The following CDH18 variants were observed in gnomAD, a reference collection of about 807,000 sequenced individuals.
CDH18 encodes the protein cadherin-18.
Under a neutral mutation model 67.9 loss-of-function variants are expected in CDH18, and 31 were observed. The observed-to-expected ratio is 0.46, with a 90% CI of 0.34 to 0.62. The LOEUF is 0.62. CDH18 is among the 20% of genes least tolerant of loss of function. The pLI, the probability that CDH18 is intolerant of heterozygous loss-of-function variation, is 0.01. For missense variants in CDH18, 890 were observed against 975.5 expected (o/e 0.91, Z 1.17); for synonymous variants, 362 against 347.2 (o/e 1.04, Z -0.48).
At chr5:20,398,610 T>C (rs71610659) in intron 1 of CDH18, among the ~76,000 whole-genome samples, 1 of 151,854 alleles carries the variant, frequency 6.6e-6, no homozygotes, top group Non-Finnish European at 1.5e-5. Flanking sequence ...CCATGGCACA[T>C]GTATACCTAT....
intron 2 of CDH18, among the ~76,000 whole-genome samples, chr5:20,138,937 C>T (rs982000710): frequency 1.3e-5 from 2 of 152,262 alleles, no homozygotes; most frequent in African/African-American, 4.8e-5. Flanking sequence ...CTACCAATGA[C>T]TCTCTTCACA....
intron 3 of CDH18, among the ~76,000 whole-genome samples, chr5:19,748,636 T>C (rs1770442195): frequency 6.6e-6 from 1 of 152,280 alleles, no homozygotes; most frequent in Middle Eastern, 3.4e-3. Context: ...CGTAGAAACA[T>C]TGAAAAAACA....
At chr5:20,126,847 T>G (rs1328650847) in intron 2 of CDH18, among the ~76,000 whole-genome samples, 2 of 152,208 alleles carry the variant, frequency 1.3e-5, no homozygotes, top group Non-Finnish European at 2.9e-5. Context: ...GAAACTTTTG[T>G]GCACTTTTGA....
At chr5:20,481,652 T>A (rs950149569) in intron 1 of CDH18, among the ~76,000 whole-genome samples, 2 of 152,018 alleles carry the variant, frequency 1.3e-5, no homozygotes, top group Non-Finnish European at 2.9e-5. Flanking sequence ...CAAGAGGAAC[T>A]TTGGAAGCTA....
intron 5 of CDH18, among the ~76,000 whole-genome samples, chr5:19,719,943 AAGAAAG>A (rs1181171618): frequency 1.3e-5 from 2 of 149,874 alleles, no homozygotes. Context: ...GAAAGAAAGA[AAGAAAG>A]AAAGAAAGAA....
intron 2 of CDH18, among the ~76,000 whole-genome samples, chr5:20,189,406 T>C (rs1296901963): frequency 6.6e-6 from 1 of 152,134 alleles, no homozygotes; most frequent in Non-Finnish European, 1.5e-5. Context: ...TGGAAAGTTC[T>C]CTATAATGGA....
In CDH18 at chr5:19,664,722, C is replaced by T. The variant is rs547290064; in HGVS notation, c.644-52121G>A. On this transcript the variant is annotated intron_variant, in intron 5 of 12. Transcript: ENST00000382275. ...TAACATTTATTCAATGTATTCTATG[C>T]ATGAGATAAAATTCTATGCCCCTCA... 7.2e-5 allele frequency among the ~76,000 whole-genome samples: 11 copies of T among 152,066 alleles called. No homozygotes were observed. In the South Asian group the frequency reaches 1.9e-3, roughly 26 times the overall value.
At chr5:19,871,162 T>A (rs1264797874) in intron 2 of CDH18, among the ~76,000 whole-genome samples, 1 of 152,130 alleles carries the variant, frequency 6.6e-6, no homozygotes, top group Admixed American at 6.6e-5. Context: ...ATTAAGTACC[T>A]CAAAAATCCA....
intron 2 of CDH18, among the ~76,000 whole-genome samples, chr5:20,232,445 T>A (rs1008783758): frequency 9.9e-5 from 15 of 152,146 alleles, no homozygotes; most frequent in Non-Finnish European, 7.4e-5. Context: ...AAATTACAGT[T>A]ATTAGGCTTT....
intron 2 of CDH18, among the ~76,000 whole-genome samples, chr5:20,152,454 T>C (rs1043035133): frequency 6.6e-6 from 1 of 151,686 alleles, no homozygotes; most frequent in African/African-American, 2.4e-5. Flanking sequence ...TGAAATACTT[T>C]CCTTGTAGAC....
At chr5:19,722,596 A>C (rs970863155) in intron 4 of CDH18, among the ~76,000 whole-genome samples, 1 of 151,546 alleles carries the variant, frequency 6.6e-6, no homozygotes, top group Non-Finnish European at 1.5e-5. Flanking sequence ...ATGAAAACTT[A>C]ATCTAAGTAT....
chr5:20,143,620 T>G (rs866642962), intron 2 of CDH18, among the ~76,000 whole-genome samples: 8 of 152,158 alleles, frequency 5.3e-5, no homozygotes, highest in Middle Eastern at 6.3e-3. Context: ...ATTTCTGTCT[T>G]GGCCTCTGAA....
At chr5:20,240,868 C>A (rs1217920418) in intron 2 of CDH18, among the ~76,000 whole-genome samples, 1 of 152,026 alleles carries the variant, frequency 6.6e-6, no homozygotes, top group East Asian at 1.9e-4. Context: ...GGAACAGAGA[C>A]CACCTTAGGA....
At chr5:19,654,829 A>T (rs1254664412) in intron 5 of CDH18, among the ~76,000 whole-genome samples, 2 of 152,082 alleles carry the variant, frequency 1.3e-5, no homozygotes, top group Non-Finnish European at 2.9e-5. Context: ...GACTAGGAAG[A>T]TCATCTTCCC....
At chr5:20,379,285 TATAAAC>T (rs1240813691) in intron 1 of CDH18, among the ~76,000 whole-genome samples, 1 of 152,202 alleles carries the variant, frequency 6.6e-6, no homozygotes, top group Non-Finnish European at 1.5e-5. Context: ...TGCTAGATCT[TATAAAC>T]ATAGCCCTTA....
rs933466335 is a variant in CDH18, at chr5:20,571,823, C to G, written c.-580+3639G>C. ...CTCACTTCTCAAAAGAAATGTCACT[C>G]ACATTGTGTATGTCACTTCTTTCTC... On this transcript the variant is annotated intron_variant, in intron 1 of 14. Coordinates refer to the CDH18 transcript ENST00000507958. Among the ~76,000 whole-genome samples, 23 of 152,202 alleles carry G rather than the reference C, an allele frequency of 1.5e-4. No individual in the cohort carries two copies. In the East Asian group the frequency reaches 3.7e-3, roughly 24 times the overall value.
At chr5:20,142,383 C>T (rs1488952404) in intron 2 of CDH18, among the ~76,000 whole-genome samples, 9 of 151,698 alleles carry the variant, frequency 5.9e-5, no homozygotes, top group Non-Finnish European at 1.3e-4. Flanking sequence ...AATTCTAGAC[C>T]CACCTGGCCA....
chr5:20,494,727 A>G (rs1276542482), intron 1 of CDH18, among the ~76,000 whole-genome samples: 2 of 152,108 alleles, frequency 1.3e-5, no homozygotes, highest in African/African-American at 4.8e-5. Context: ...TCATTTCTTG[A>G]TGGGCTTTCT....
intron 5 of CDH18, among the ~76,000 whole-genome samples, chr5:19,657,550 T>C (rs1178770577): frequency 2.0e-5 from 3 of 152,148 alleles, no homozygotes; most frequent in African/African-American, 7.2e-5. Flanking sequence ...AATAGGTTTA[T>C]ACAGTTGCTG....
Sources: gnomAD v4.1 joint callset for allele counts (sites outside exome capture counted in the v4.1 genomes callset) on GRCh38, gnomAD v4.1.1 for gene constraint, MANE v1.5 for transcripts, NCBI Gene and HGNC (gene_info 2026-07-23, HGNC 2026-07-21) for gene names.